The following MAJIN variants were observed in gnomAD, a reference collection of about 807,000 sequenced individuals.
The protein encoded by MAJIN is membrane-anchored junction protein.
Under a neutral mutation model 30.2 loss-of-function variants are expected in MAJIN, and 27 were observed. The observed-to-expected ratio is 0.89, with a 90% CI of 0.66 to 1.23. The LOEUF is 1.23. MAJIN is among the 50% of genes most tolerant of loss of function. The pLI, the probability that MAJIN is intolerant of heterozygous loss-of-function variation, is 0.00. For missense variants in MAJIN, 253 were observed against 260.3 expected, an observed-to-expected ratio of 0.97 and a Z score of 0.19; for synonymous variants, 78 against 91.6, an observed-to-expected ratio of 0.85 and a Z score of 0.85.
chr11:64,959,287 TCCTA>T lies in MAJIN; in HGVS notation c.101+14_101+17del. The T allele has an allele frequency of 6.3e-7, 1 of 1,594,818 alleles. No homozygotes were observed. The highest frequency in any genetic ancestry group is 8.6e-7 in the Non-Finnish European group (1 of 1,162,562). ...TAACTGGTGTTTGCATAGGCTACCCTCCTACCTTTGAAATTACCTGATACTCTTC... is the reference window on the plus strand; with the variant it reads ...TAACTGGTGTTTGCATAGGCTACCCTCCTTTGAAATTACCTGATACTCTTC... On this transcript the variant is annotated intron_variant, in intron 3 of 10. Transcript: ENST00000301896.
intron 1 of MAJIN, among the ~76,000 whole-genome samples, chr11:64,970,953 G>A (rs946561700): frequency 1.3e-5 from 2 of 152,182 alleles, no homozygotes; most frequent in Non-Finnish European, 2.9e-5. Flanking sequence ...TGGAGGGTGG[G>A]TATAGACCAG....
At chr11:64,951,764 CAAA>C (rs11329539) in intron 4 of MAJIN, among the ~76,000 whole-genome samples, 6,506 of 95,908 alleles carry the variant, frequency 0.068, 147 homozygotes, top group Middle Eastern at 0.096. Context: ...AACCTTGTCT[CAAA>C]AAAAAAAAAA....
chr11:64,950,755 T>A (rs1305562417), intron 4 of MAJIN, among the ~76,000 whole-genome samples: 1 of 152,020 alleles, frequency 6.6e-6, no homozygotes, highest in Admixed American at 6.6e-5. Flanking sequence ...CTAATTTTTT[T>A]ATTTTTTGTA....
intron 1 of MAJIN, among the ~76,000 whole-genome samples, chr11:64,967,874 T>C (rs1945837198): frequency 6.6e-6 from 1 of 152,102 alleles, no homozygotes; most frequent in Admixed American, 6.6e-5. Flanking sequence ...CAAATATAAA[T>C]TGAGGTACTC....
intron 10 of MAJIN, 118 bp from the exon 11 acceptor site, chr11:64,938,691 A>T (rs1262342661): frequency 9.1e-7 from 1 of 1,096,808 alleles, no homozygotes; most frequent in African/African-American, 1.6e-5. Flanking sequence ...ATTGAATGGA[A>T]ATTCAAGACT....
At position 64,972,108 on chromosome 11, in the gene MAJIN, C is replaced by T. The variant is rs1219475403; in HGVS notation, c.-296G>A. On this transcript the variant is annotated 5_prime_UTR_variant, in exon 1 of 11. Transcript: ENST00000301896. The stretch of plus-strand genomic sequence containing the variant: ...CAGGCCTTCTGCGCACGCGCAAGTG[C>T]GCTTCCCACCGCCCCTTCGGGCGCA... The T allele has an allele frequency of 6.6e-6, 1 of 152,224 alleles. No individual in the cohort carries two copies. The highest frequency in any genetic ancestry group is 1.5e-5 in the Non-Finnish European group (1 of 68,046). The allele number at this position is 152,224 out of a possible 1,614,324, so 9.4% of individuals were successfully genotyped here. A position where few individuals can be genotyped will look rare whatever the true frequency, so the allele number is the denominator to read the frequency against.
intron 2 of MAJIN, 100 bp downstream of exon 2, chr11:64,959,989 G>A (rs1454061852): frequency 6.6e-6 from 1 of 152,368 alleles, no homozygotes; most frequent in Non-Finnish European, 1.5e-5. Context: ...GTGGCACCAA[G>A]GAATGGCTTA....
intron 3 of MAJIN, among the ~76,000 whole-genome samples, chr11:64,957,010 G>A (rs1223201337): frequency 3.3e-5 from 5 of 151,588 alleles, no homozygotes; most frequent in Non-Finnish European, 5.9e-5. Context: ...CAGAAGATCC[G>A]CCTGCCTCGG....
intron 6 of MAJIN, among the ~76,000 whole-genome samples, chr11:64,948,633 ATATATAT>A (rs1945496265): frequency 2.6e-5 from 1 of 38,332 alleles, no homozygotes; most frequent in Admixed American, 5.3e-4. Flanking sequence ...ATATATATAT[ATATATAT>A]TTTTTTTTTT....
chr11:64,957,030 G>A (rs1331941373), intron 3 of MAJIN, among the ~76,000 whole-genome samples: 2 of 151,812 alleles, frequency 1.3e-5, no homozygotes, highest in South Asian at 2.1e-4. Context: ...GCCTCCCAAA[G>A]TGCTGGGATT....
intron 4 of MAJIN, among the ~76,000 whole-genome samples, chr11:64,953,706 G>A (rs1321508329): frequency 3.3e-5 from 5 of 152,108 alleles, no homozygotes; most frequent in African/African-American, 4.8e-5. Flanking sequence ...CAGGAGAATC[G>A]CTGGAACTTG....
At chr11:64,944,889 A>G (rs1945427489) in intron 8 of MAJIN, among the ~76,000 whole-genome samples, 1 of 152,190 alleles carries the variant, frequency 6.6e-6, no homozygotes, top group African/African-American at 2.4e-5. Context: ...TATTTTAGAG[A>G]ATATATAGAA....
At chr11:64,968,343 T>A (rs557964096) in intron 1 of MAJIN, among the ~76,000 whole-genome samples, 2 of 152,156 alleles carry the variant, frequency 1.3e-5, no homozygotes, top group South Asian at 4.1e-4. Context: ...CAATCACAGC[T>A]CAGGGCAGCC....
chr11:64,959,811 G>A (rs1260183481), intron 2 of MAJIN, among the ~76,000 whole-genome samples: 2 of 152,168 alleles, frequency 1.3e-5, no homozygotes, highest in African/African-American at 4.8e-5. Context: ...TGGAATCTCA[G>A]TGGATACAGA....
intron 6 of MAJIN, 63 bp from the exon 7 acceptor site, chr11:64,947,882 T>TTG: frequency 7.1e-7 from 1 of 1,413,866 alleles, no homozygotes; most frequent in Non-Finnish European, 9.9e-7. Context: ...TTTTTGGAGA[T>TTG]TAAGTCTCTC....
chr11:64,956,488 T>C (rs1399480666), intron 3 of MAJIN, among the ~76,000 whole-genome samples: 1 of 151,792 alleles, frequency 6.6e-6, no homozygotes. Context: ...AAACACGGTC[T>C]CAAAACAAAA....
At chr11:64,960,378 A>C (rs1320960349) in intron 1 of MAJIN, among the ~76,000 whole-genome samples, 1 of 152,154 alleles carries the variant, frequency 6.6e-6, no homozygotes, top group Non-Finnish European at 1.5e-5. Context: ...ACACAATAAC[A>C]ACTCTCAATA....
At chr11:64,967,634 C>G (rs758843555) in intron 1 of MAJIN, among the ~76,000 whole-genome samples, 2 of 151,868 alleles carry the variant, frequency 1.3e-5, no homozygotes, top group Non-Finnish European at 2.9e-5. Flanking sequence ...ATGGCACTTT[C>G]AAAAGAGAGA....
chr11:64,966,144 T>TGAAAAAA (rs1945804483), intron 1 of MAJIN, among the ~76,000 whole-genome samples: 1 of 10,388 alleles, frequency 9.6e-5, no homozygotes, highest in Non-Finnish European at 2.8e-4. Flanking sequence ...AGATTAAAAA[T>TGAAAAAA]GAAAAAAAAA....
Sources: gnomAD v4.1 joint callset for allele counts (sites outside exome capture counted in the v4.1 genomes callset) on GRCh38, gnomAD v4.1.1 for gene constraint, MANE v1.5 for transcripts, NCBI Gene and HGNC (gene_info 2026-07-23, HGNC 2026-07-21) for gene names.